C2: variants seen among roughly 807,000 people sequenced by gnomAD.
The protein encoded by C2 is C3/C5 convertase.
C2 carries 64 observed loss-of-function variants against 85.2 expected under a neutral mutation model. The ratio of observed to expected loss-of-function variants is 0.75; its 90% CI spans 0.61 to 0.92. The LOEUF is 0.92. Among genes scored for constraint, C2 ranks in the 40% least tolerant of loss-of-function variants. The pLI is 0.00. For synonymous variants in C2, 311 were observed against 370.8 expected, an observed-to-expected ratio of 0.84 and a Z score of 1.85; for missense variants, 820 against 971.6, an observed-to-expected ratio of 0.84 and a Z score of 2.07.
rs1771306523 is a variant in C2, at chr6:31,945,307, C to T, written c.2209C>T (p.Pro737Ser). 1.2e-6 allele frequency: 2 copies of T among 1,613,050 alleles called. No individual in the cohort carries two copies. The highest frequency in any genetic ancestry group is 1.7e-6 in the Non-Finnish European group (2 of 1,180,032). The change falls in exon 18 of 18, where the codon CCC becomes TCC. Residue 737 changes from proline (P) to serine (S), a missense_variant. By Grantham distance (74) the Pro-to-Ser change is moderately conservative. Coordinates refer to ENST00000299367, the MANE Select transcript of C2 (RefSeq NM_000063.6). This position sits in a 1 kb window ranked among gnomAD's most constrained non-coding sequence, Gnocchi z 5.3. ...DFHINLFRMQ[P>S]WLRQHLGDVL... Reference sequence around the variant, plus strand: ...TCACATCAATCTCTTCCGCATGCAGCCCTGGCTGAGGCAGCACCTGGGGGA... The same window carrying T: ...TCACATCAATCTCTTCCGCATGCAGTCCTGGCTGAGGCAGCACCTGGGGGA...
At chr6:31,925,611 T>A (rs1769215454), upstream of C2, among the ~76,000 whole-genome samples, 1 of 152,118 alleles carries the variant, frequency 6.6e-6, no homozygotes, top group Admixed American at 6.5e-5. Context: ...GCTTTCGATA[T>A]CACCCAGGGA....
intron 6 of C2, chr6:31,934,527 A>C (rs990263551): frequency 7.4e-7 from 1 of 1,345,486 alleles, no homozygotes; most frequent in Non-Finnish European, 1.0e-6. Flanking sequence ...GCAAAGATGG[A>C]AAGGCTGAGG....
rs1407220931 is a variant in C2 at position 31,932,724 on chromosome 6, C to T, written c.443-886C>T. Among the ~76,000 whole-genome samples the T allele has an allele frequency of 3.9e-5, 6 of 152,244 alleles. No individual in the cohort carries two copies. The East Asian group carries it at 1.2e-3, about 29-fold the overall frequency. ...CTTCCCAGACGGGGTGGCGGCCGGG[C>T]AGAGGCTGCAATCTCGGCACTTTGG... On this transcript the variant is annotated intron_variant, in intron 3 of 17. Transcript: ENST00000299367.
rs1310897315 is a variant in C2 at position 31,922,008 on chromosome 6, A to G, written c.-100+1982A>G. On this transcript the variant is annotated intron_variant, in intron 1 of 3. Coordinates refer to the C2 transcript ENST00000413154. This position sits in a 1 kb window ranked among gnomAD's most constrained non-coding sequence, Gnocchi z 4.8. Reference sequence around the variant, plus strand: ...CCCTGGAGTGGTGCAGAGTTATCCCATGGTCCAGGGTGAGGGAGCCCAGTA... The same window carrying G: ...CCCTGGAGTGGTGCAGAGTTATCCCGTGGTCCAGGGTGAGGGAGCCCAGTA... 6.6e-6 allele frequency among the ~76,000 whole-genome samples: 1 copy of G among 152,150 alleles called. No individual in the cohort carries two copies. Among genetic ancestry groups the G allele is most frequent in the Non-Finnish European group, 1.5e-5 (1 of 68,022 alleles).
At chr6:31,926,978 A>G (rs1036372986), upstream of C2, among the ~76,000 whole-genome samples, 2 of 152,178 alleles carry the variant, frequency 1.3e-5, no homozygotes, top group Non-Finnish European at 2.9e-5. Flanking sequence ...AGCCCCCGCA[A>G]AAGTTTTATT....
rs1412293238 is a variant in C2, at chr6:31,944,934, TC to T, written c.2030-44del. The T allele has an allele frequency of 6.2e-7, 1 of 1,612,818 alleles. No homozygotes were observed. Among genetic ancestry groups the T allele is most frequent in the Admixed American group, 1.7e-5 (1 of 60,022 alleles). On this transcript the variant is annotated intron_variant, in intron 16 of 17. Transcript: ENST00000299367. The surrounding 1 kb of genome is among the most constrained non-coding windows in gnomAD (Gnocchi z 5.1). ...GCCAGCATGCATGCCAGAACACCAG[TC>T]CACTGCCCTAGATGACACTGTCTCC...
chr6:31,945,084 G>A lies in C2; in HGVS notation c.2079+55G>A, dbSNP rs373050754. Reference sequence around the variant, plus strand: ...GGGTTACAGGATCTCAGCCTTGTTGGGGGGATGAGGGAGGCCTTTGAGGGA... The same window carrying A: ...GGGTTACAGGATCTCAGCCTTGTTGAGGGGATGAGGGAGGCCTTTGAGGGA... On this transcript the variant is annotated intron_variant, in intron 17 of 17. Transcript: ENST00000299367. The surrounding 1 kb of genome is among the most constrained non-coding windows in gnomAD (Gnocchi z 5.3). 637 of 1,610,410 alleles carry A rather than the reference G, an allele frequency of 4.0e-4. 6 individuals are homozygous for A. In the African/African-American group the frequency reaches 4.8e-3, roughly 12 times the overall value.
intron 1 of C2, among the ~76,000 whole-genome samples, chr6:31,907,118 T>C (rs75261372): frequency 2.0e-5 from 3 of 149,600 alleles, no homozygotes; most frequent in Non-Finnish European, 3.0e-5. Flanking sequence ...CCAGCCTGGG[T>C]GACAAGAGTG....
chr6:31,904,447 G>T lies in C2; in HGVS notation c.73+3308G>T, dbSNP rs1464489885. Among the ~76,000 whole-genome samples, 1 of 151,954 alleles carries T rather than the reference G, an allele frequency of 6.6e-6. No homozygotes were observed. Among genetic ancestry groups the T allele is most frequent in the East Asian group, 1.9e-4 (1 of 5,186 alleles). ...TCCTGCCTCAACCTCCCAAGTAGCT[G>T]GGATTACAGGTGCCCGCCACCATGC... On this transcript the variant is annotated intron_variant, in intron 1 of 3. Coordinates refer to the C2 transcript ENST00000452202. This position sits in a 1 kb window ranked among gnomAD's most constrained non-coding sequence, Gnocchi z 4.4.
At chr6:31,902,912 C>G (rs750057946) in intron 1 of C2, among the ~76,000 whole-genome samples, 1 of 152,210 alleles carries the variant, frequency 6.6e-6, no homozygotes, top group African/African-American at 2.4e-5. Flanking sequence ...TGATTCTACT[C>G]TAATCTTCCA....
chr6:31,900,928 G>A, upstream of C2: 1 of 1,614,202 alleles, frequency 6.2e-7, no homozygotes, highest in Non-Finnish European at 8.5e-7. This position sits in a 1 kb window ranked among gnomAD's most constrained non-coding sequence, Gnocchi z 9.7. Context: ...TGGGCTCAAT[G>A]AACTGGCTGA....
At chr6:31,897,809 G>T, upstream of C2, 1 of 1,006,216 alleles carries the variant, frequency 9.9e-7, no homozygotes, top group Admixed American at 5.4e-5. Context: ...AGCGGCCTCG[G>T]AGATGGCTGT....
intron 1 of C2, chr6:31,901,958 A>ACACGCG (rs1554270422): frequency 2.5e-5 from 3 of 118,646 alleles, no homozygotes; most frequent in South Asian, 3.2e-4. Flanking sequence ...GATGCACGGG[A>ACACGCG]CGCGCGCGCG....
chr6:31,899,804 G>C, upstream of C2: 2 of 1,028,546 alleles, frequency 1.9e-6, no homozygotes. Context: ...GTGTGCATCT[G>C]CTCAGCCTCC....
rs538818827 is a variant in C2, at chr6:31,937,393, C to A, written c.1063C>A (p.Arg355=). ...SVYLMMNNQM[R]LLGMETMAWQ... is the part of the protein sequence containing the mutation. The stretch of plus-strand genomic sequence containing the variant: ...CTATCTCATGATGAACAACCAAATG[C>A]GACTCCTCGGCATGGAAACGATGGC... The change falls in exon 8 of 18, where the codon CGA becomes AGA. Residue 355 remains arginine, a synonymous_variant. Transcript: ENST00000299367. 1.2e-6 allele frequency: 2 copies of A among 1,612,640 alleles called. No homozygotes were observed. Among genetic ancestry groups the A allele is most frequent in the African/African-American group, 2.7e-5 (2 of 74,914 alleles).
chr6:31,902,910 C>T (rs1301458061), intron 1 of C2, among the ~76,000 whole-genome samples: 1 of 152,218 alleles, frequency 6.6e-6, no homozygotes, highest in African/African-American at 2.4e-5. Context: ...TATGATTCTA[C>T]TCTAATCTTC....
At chr6:31,932,051 C>T (rs1344925575) in intron 3 of C2, among the ~76,000 whole-genome samples, 2 of 127,560 alleles carry the variant, frequency 1.6e-5, no homozygotes, top group African/African-American at 3.1e-5. Context: ...CTCCTCACTT[C>T]CCAGCAGGGG....
chr6:31,936,912 G>A (rs1386935715), intron 7 of C2: 1 of 217,948 alleles, frequency 4.6e-6, no homozygotes, highest in Non-Finnish European at 9.3e-6. Flanking sequence ...CAAAACAATC[G>A]ATAAATTGCA....
chr6:31,939,510 CTTTTT>C (rs896123643), intron 9 of C2, among the ~76,000 whole-genome samples, 190 bp downstream of exon 9: 1 of 126,432 alleles, frequency 7.9e-6, no homozygotes, highest in Non-Finnish European at 1.7e-5. Context: ...ACCTTACCTT[CTTTTT>C]TTTTTTTTTT....
Sources: allele counts gnomAD v4.1 joint callset (sites outside exome capture counted in the v4.1 genomes callset), GRCh38; gene constraint gnomAD v4.1.1; non-coding constraint Gnocchi (gnomAD v3.1); transcripts MANE v1.5; gene names NCBI Gene and HGNC (gene_info 2026-07-23, HGNC 2026-07-21).